Variants in TUSC7 observed in about 807,000 individuals in gnomAD.
The protein encoded by TUSC7 is tumor suppressor candidate 7.
intron 1 of TUSC7, among the ~76,000 whole-genome samples, chr3:116,710,932 C>T (rs899369589): frequency 6.6e-6 from 1 of 151,930 alleles, no homozygotes; most frequent in Admixed American, 6.6e-5. Context: ...TAACAAACTG[C>T]ATTAACAAAG....
intron 1 of TUSC7, among the ~76,000 whole-genome samples, chr3:116,715,687 A>G (rs979343535): frequency 1.3e-5 from 2 of 152,062 alleles, no homozygotes; most frequent in Admixed American, 1.3e-4. Context: ...TTATTGTTGA[A>G]TTTTAGGTGT....
intron 1 of TUSC7, among the ~76,000 whole-genome samples, chr3:116,714,321 A>C (rs2051487386): frequency 6.6e-6 from 1 of 152,200 alleles, no homozygotes; most frequent in Non-Finnish European, 1.5e-5. Context: ...ACACAGCAGG[A>C]GATGGTTTGG....
intron 1 of TUSC7, chr3:116,709,987 G>A (rs555761741): frequency 1.3e-5 from 2 of 152,258 alleles, no homozygotes; most frequent in South Asian, 4.1e-4. Context: ...GCTAATGGTG[G>A]AGAGATCAAG....
intron 1 of TUSC7, among the ~76,000 whole-genome samples, chr3:116,713,600 TAGA>T (rs1294737577): frequency 6.6e-6 from 1 of 152,204 alleles, no homozygotes; most frequent in Non-Finnish European, 1.5e-5. Context: ...CCTAAATCTG[TAGA>T]AGGTTTCTAA....
chr3:116,710,853 C>G, intron 1 of TUSC7, among the ~76,000 whole-genome samples: 1 of 152,034 alleles, frequency 6.6e-6, no homozygotes, highest in East Asian at 1.9e-4. Context: ...TTACTATACC[C>G]CATGGCATTA....
chr3:116,713,848 C>T (rs376990863), intron 1 of TUSC7, among the ~76,000 whole-genome samples: 1 of 152,132 alleles, frequency 6.6e-6, no homozygotes, highest in African/African-American at 2.4e-5. Context: ...TACCCGTAAT[C>T]TCAGCTACTT....
At chr3:116,710,804 C>G (rs1559924150) in intron 1 of TUSC7, among the ~76,000 whole-genome samples, 1 of 151,924 alleles carries the variant, frequency 6.6e-6, no homozygotes, top group Non-Finnish European at 1.5e-5. Context: ...AAATGAAAAA[C>G]AATAAGGAGT....
At chr3:116,711,499 T>C (rs897005455) in intron 1 of TUSC7, among the ~76,000 whole-genome samples, 1 of 152,198 alleles carries the variant, frequency 6.6e-6, no homozygotes, top group African/African-American at 2.4e-5. Flanking sequence ...TCAAGTGTTA[T>C]TTCATTTTTA....
chr3:116,713,842 C>T (rs1055321847), intron 1 of TUSC7, among the ~76,000 whole-genome samples: 1 of 151,968 alleles, frequency 6.6e-6, no homozygotes, highest in Non-Finnish European at 1.5e-5. Context: ...GGTGCATACC[C>T]GTAATCTCAG....
chr3:116,715,354 G>C (rs1378888678), intron 1 of TUSC7, among the ~76,000 whole-genome samples: 2 of 152,120 alleles, frequency 1.3e-5, no homozygotes, highest in Non-Finnish European at 2.9e-5. Context: ...GAGCATAATT[G>C]ATGGATAGTA....
At chr3:116,711,333 G>A (rs2051461975) in intron 1 of TUSC7, among the ~76,000 whole-genome samples, 1 of 152,100 alleles carries the variant, frequency 6.6e-6, no homozygotes, top group African/African-American at 2.4e-5. Flanking sequence ...AGTAACAGAT[G>A]GGTTGTCTTA....
intron 1 of TUSC7, chr3:116,712,802 G>T (rs1354304382): frequency 6.6e-6 from 1 of 152,130 alleles, no homozygotes; most frequent in Non-Finnish European, 1.5e-5. Flanking sequence ...TGGAGAGAAA[G>T]AGTTGCATCT....
chr3:116,713,008 A>G (rs911256663), intron 1 of TUSC7, among the ~76,000 whole-genome samples: 1 of 152,224 alleles, frequency 6.6e-6, no homozygotes, highest in Admixed American at 6.5e-5. Flanking sequence ...AATAAGAAAA[A>G]GCTAAAGATT....
intron 1 of TUSC7, chr3:116,716,394 A>G (rs377742594): frequency 3.3e-5 from 5 of 152,290 alleles, no homozygotes; most frequent in East Asian, 3.9e-4. Context: ...AGGAGGGACT[A>G]TCTAGACTCA....
intron 1 of TUSC7, chr3:116,714,283 C>T (rs1035715721): frequency 6.6e-6 from 1 of 152,278 alleles, no homozygotes; most frequent in African/African-American, 2.4e-5. Flanking sequence ...TGGACTTTTG[C>T]ACCAAATGTG....
chr3:116,713,876 G>A (rs546361352), intron 1 of TUSC7, among the ~76,000 whole-genome samples: 1 of 152,166 alleles, frequency 6.6e-6, no homozygotes, highest in Non-Finnish European at 1.5e-5. Context: ...TGAGCCAGGA[G>A]AATCACTTGA....
intron 1 of TUSC7, among the ~76,000 whole-genome samples, chr3:116,715,647 T>G (rs530494428): frequency 1.3e-5 from 2 of 152,314 alleles, no homozygotes; most frequent in African/African-American, 4.8e-5. Flanking sequence ...GGTAAGTTAT[T>G]TGGCCCATTT....
At chr3:116,714,656 A>G (rs1270950489) in intron 1 of TUSC7, among the ~76,000 whole-genome samples, 1 of 152,132 alleles carries the variant, frequency 6.6e-6, no homozygotes, top group Non-Finnish European at 1.5e-5. Flanking sequence ...AAAAATGGCT[A>G]CACACTAGCC....
chr3:116,714,122 T>C (rs35256076), intron 1 of TUSC7: 44,220 of 151,694 alleles, frequency 0.29, 6,729 homozygotes, highest in South Asian at 0.51. Flanking sequence ...CCCCAAAGCA[T>C]CTATTACCAT....
Sources: allele counts gnomAD v4.1 joint callset (sites outside exome capture counted in the v4.1 genomes callset), GRCh38; gene constraint gnomAD v4.1.1; transcripts MANE v1.5; gene names NCBI Gene and HGNC (gene_info 2026-07-23, HGNC 2026-07-21).